Variants in HCRTR2 observed in about 807,000 individuals in gnomAD.
HCRTR2 encodes the protein hypocretin receptor 2.
In HCRTR2, 22 loss-of-function variants were observed where a neutral mutation model predicts 49.0. The ratio of observed to expected loss-of-function variants is 0.45; its 90% confidence interval spans 0.32 to 0.64. HCRTR2 has a LOEUF of 0.64. Ranked by LOEUF, HCRTR2 falls within the 30% of genes least tolerant of loss-of-function variation. The probability of loss-of-function intolerance (pLI) is 0.04; values close to 1 mark genes in which losing one functional copy is unlikely to be tolerated. For synonymous variants in HCRTR2, 236 were observed against 205.3 expected (o/e 1.15, Z -1.28); for missense variants, 491 against 559.4 (o/e 0.88, Z 1.23).
chr6:55,224,940 C>T (rs1477379764), intron 1 of HCRTR2, among the ~76,000 whole-genome samples: 5 of 152,048 alleles, frequency 3.3e-5, no homozygotes, highest in Admixed American at 2.0e-4. Flanking sequence ...ATCTATTGTA[C>T]ATGTTGAATA....
chr6:55,125,465 T>C (rs1204776767), intron 1 of HCRTR2, among the ~76,000 whole-genome samples: 1 of 152,188 alleles, frequency 6.6e-6, no homozygotes, highest in Non-Finnish European at 1.5e-5. Context: ...GCTTGTAGGG[T>C]TTCTGCAGGG....
intron 1 of HCRTR2, among the ~76,000 whole-genome samples, chr6:55,202,550 C>A (rs1479985934): frequency 6.6e-6 from 1 of 152,138 alleles, no homozygotes; most frequent in African/African-American, 2.4e-5. Flanking sequence ...AGTCCAAGAT[C>A]GAATTTTATG....
intron 1 of HCRTR2, among the ~76,000 whole-genome samples, chr6:55,163,263 A>C (rs35490612): frequency 0.44 from 66,357 of 151,152 alleles, 14,763 homozygotes; most frequent in African/African-American, 0.47. Flanking sequence ...AACAACAAAA[A>C]AAAAAAAACT....
chr6:55,109,199 A>G (rs1764016217), intron 1 of HCRTR2, among the ~76,000 whole-genome samples: 1 of 152,274 alleles, frequency 6.6e-6, no homozygotes, highest in Admixed American at 6.5e-5. Context: ...GAGGGAGAGC[A>G]CCACATCAAA....
At chr6:55,126,155 C>T (rs1021714912) in intron 1 of HCRTR2, among the ~76,000 whole-genome samples, 1 of 152,126 alleles carries the variant, frequency 6.6e-6, no homozygotes, top group Non-Finnish European at 1.5e-5. Context: ...GTTTTGTTCC[C>T]TTGCTGGTGA....
chr6:55,214,261 G>GT (rs67470018), intron 1 of HCRTR2, among the ~76,000 whole-genome samples: 20,708 of 152,148 alleles, frequency 0.14, 1,834 homozygotes, highest in East Asian at 0.27. Flanking sequence ...TTCTAGCTGG[G>GT]TTTTTTGGTG....
intron 1 of HCRTR2, among the ~76,000 whole-genome samples, chr6:55,217,737 C>T (rs1040335369): frequency 2.0e-5 from 3 of 152,158 alleles, no homozygotes; most frequent in Non-Finnish European, 2.9e-5. Flanking sequence ...TCTTCTCATC[C>T]TCTGATCCTT....
Position 55,263,689 on chromosome 6 carries a change from T to G in HCRTR2, c.647-18T>G, listed in dbSNP as rs1183223602. ...TCAATTGTAACGTAAGGTTTTGTTG[T>G]TTTGACTTTCATCCTAGGTGAAATT... On this transcript the variant is annotated intron_variant, in intron 3 of 6. Coordinates refer to ENST00000370862, the MANE Select transcript of HCRTR2 (RefSeq NM_001384272.1). 3 of 1,392,468 alleles carry G rather than the reference T, an allele frequency of 2.2e-6. No individual in the cohort carries two copies. In the African/African-American group the frequency reaches 4.2e-5, roughly 20 times the overall value. The allele number at this position is 1,392,468 out of a possible 1,614,324, so 86.3% of individuals were successfully genotyped here.
chr6:55,260,160 T>C (rs1183418712), intron 3 of HCRTR2, among the ~76,000 whole-genome samples: 3 of 152,324 alleles, frequency 2.0e-5, no homozygotes, highest in Admixed American at 1.3e-4. Context: ...ATGCTATCCA[T>C]AGCTGCAGTG....
At chr6:55,221,543 G>A (rs1268887466) in intron 1 of HCRTR2, among the ~76,000 whole-genome samples, 1 of 152,152 alleles carries the variant, frequency 6.6e-6, no homozygotes, top group Non-Finnish European at 1.5e-5. Flanking sequence ...GCCGGGCGTG[G>A]TGGCTCACGC....
rs56655240 is a variant in HCRTR2, at chr6:55,165,744, AATATATATATATATATATATATATATAT to A, written c.-377-8449_-377-8422del. Among the ~76,000 whole-genome samples the A allele has an allele frequency of 4.9e-3, 625 of 128,508 alleles. 11 individuals carry two copies. Among genetic ancestry groups the A allele is most frequent in the African/African-American group, 0.018 (590 of 32,498 alleles). The allele number at this position is 128,508 out of a possible 152,430, so 84.3% of individuals were successfully genotyped here. A position where few individuals can be genotyped will look rare whatever the true frequency, so the allele number is the denominator to read the frequency against. On this transcript the variant is annotated intron_variant, in intron 1 of 7. Coordinates refer to the HCRTR2 transcript ENST00000615358. Reference sequence around the variant, plus strand: ...TATTTGTTAAGGGATTAGTATACAGAATATATATATATATATATATATATATATATATATATATATATATACTCTTACA... The same window carrying A: ...TATTTGTTAAGGGATTAGTATACAGAATATATATATATATATACTCTTACA...
intron 1 of HCRTR2, among the ~76,000 whole-genome samples, chr6:55,131,449 C>A (rs937947262): frequency 3.3e-5 from 5 of 151,698 alleles, no homozygotes; most frequent in Admixed American, 6.6e-5. Flanking sequence ...ACTTAACAAT[C>A]TTGTGTAGGT....
chr6:55,265,602 A>C (rs1348993190), intron 4 of HCRTR2, among the ~76,000 whole-genome samples: 1 of 152,136 alleles, frequency 6.6e-6, no homozygotes, highest in Non-Finnish European at 1.5e-5. Context: ...CACGTGGTTA[A>C]ACTTGATCAT....
intron 1 of HCRTR2, among the ~76,000 whole-genome samples, chr6:55,141,275 C>T (rs1055471099): frequency 1.3e-5 from 2 of 151,968 alleles, no homozygotes; most frequent in Admixed American, 6.6e-5. Context: ...ACCCAGGAGG[C>T]AGAGTTCGCA....
At chr6:55,263,904 G>C in intron 4 of HCRTR2, 82 bp downstream of exon 4, 2 of 908,530 alleles carry the variant, frequency 2.2e-6, no homozygotes, top group Non-Finnish European at 3.5e-6. Flanking sequence ...TATTTTGTCT[G>C]TGCTTTTTTT....
chr6:55,123,414 G>A (rs1764229741), intron 1 of HCRTR2, among the ~76,000 whole-genome samples: 1 of 152,154 alleles, frequency 6.6e-6, no homozygotes, highest in African/African-American at 2.4e-5. Flanking sequence ...TTCTGTTTAT[G>A]TGATGGTTTG....
rs371868747 is a variant in HCRTR2, at chr6:55,174,832, C to T, written c.223+22C>T. 8.8e-6 allele frequency: 14 copies of T among 1,597,368 alleles called. No individual in the cohort carries two copies. The African/African-American group carries it at 1.7e-4, about 20-fold the overall frequency. On this transcript the variant is annotated intron_variant, in intron 1 of 6. Coordinates refer to ENST00000370862, the MANE Select transcript of HCRTR2 (RefSeq NM_001384272.1). ...CTGGGTGAGTCTCCTCCCGGGCAGC[C>T]CTCCTAGGGGCTATCACCCCCTCTC...
At chr6:55,141,502 CTT>C (rs1215285591) in intron 1 of HCRTR2, among the ~76,000 whole-genome samples, 1 of 152,098 alleles carries the variant, frequency 6.6e-6, no homozygotes, top group Non-Finnish European at 1.5e-5. Context: ...TTATCTGTCT[CTT>C]ATGTCAAACT....
intron 1 of HCRTR2, among the ~76,000 whole-genome samples, chr6:55,181,918 G>A (rs544606862): frequency 6.6e-6 from 1 of 152,186 alleles, no homozygotes; most frequent in Non-Finnish European, 1.5e-5. Flanking sequence ...TTTACAGTAA[G>A]AGTTTATTCT....
Sources: gnomAD v4.1 joint callset for allele counts (sites outside exome capture counted in the v4.1 genomes callset) on GRCh38, gnomAD v4.1.1 for gene constraint, MANE v1.5 for transcripts, NCBI Gene and HGNC (gene_info 2026-07-23, HGNC 2026-07-21) for gene names.